ADAMTSL3: variants seen among roughly 807,000 people sequenced by gnomAD.
The protein encoded by ADAMTSL3 is ADAMTS-like protein 3.
Under a neutral mutation model 201.7 loss-of-function variants are expected in ADAMTSL3, and 128 were observed. The observed-to-expected ratio is 0.63, with a 90% CI of 0.55 to 0.73. The LOEUF is 0.73. Ranked by LOEUF, ADAMTSL3 falls within the 30% of genes least tolerant of loss-of-function variation. ADAMTSL3 has a pLI of 0.00. For missense variants in ADAMTSL3, 1,990 were observed against 2,119.6 expected, an observed-to-expected ratio of 0.94 and a Z score of 1.20; for synonymous variants, 738 against 748.4, an observed-to-expected ratio of 0.99 and a Z score of 0.23.
intron 20 of ADAMTSL3, among the ~76,000 whole-genome samples, chr15:83,972,086 C>T (rs933672450): frequency 6.6e-5 from 10 of 151,858 alleles, no homozygotes; most frequent in African/African-American, 2.2e-4. Flanking sequence ...CATTTAGTCC[C>T]CTGAACAACA....
chr15:83,763,552 A>T (rs1373629614), intron 3 of ADAMTSL3, among the ~76,000 whole-genome samples: 2 of 148,210 alleles, frequency 1.3e-5, no homozygotes, highest in South Asian at 2.1e-4. Flanking sequence ...TCACCCAGGC[A>T]GGAGTGCAAT....
rs2064701438 is a variant in ADAMTSL3, at chr15:83,855,004, A to G, written c.728-3762A>G. Among the ~76,000 whole-genome samples the G allele has an allele frequency of 2.0e-5, 3 of 151,744 alleles. No individual in the cohort carries two copies. In the South Asian group the frequency reaches 6.3e-4, roughly 32 times the overall value. ...TGGCATTACCTGGTTTTTCATGGAGAGTTGGTTATTTTTAGTGGACTTTGT... is the reference window on the plus strand; with the variant it reads ...TGGCATTACCTGGTTTTTCATGGAGGGTTGGTTATTTTTAGTGGACTTTGT... On this transcript the variant is annotated intron_variant, in intron 7 of 29. Transcript: ENST00000286744.
chr15:83,698,389 C>T (rs1434581538), intron 2 of ADAMTSL3, among the ~76,000 whole-genome samples: 1 of 152,176 alleles, frequency 6.6e-6, no homozygotes, highest in African/African-American at 2.4e-5. Context: ...GTCTCATATT[C>T]ATAGTCCCTG....
At chr15:83,842,171 A>G (rs772129569) in intron 7 of ADAMTSL3, among the ~76,000 whole-genome samples, 4 of 150,672 alleles carry the variant, frequency 2.7e-5, no homozygotes, top group Non-Finnish European at 4.4e-5. Context: ...GGCTTGGAGA[A>G]TGAGTGCAAA....
intron 15 of ADAMTSL3, among the ~76,000 whole-genome samples, chr15:83,912,726 G>A (rs2065954926): frequency 6.6e-6 from 1 of 151,970 alleles, no homozygotes; most frequent in Non-Finnish European, 1.5e-5. Flanking sequence ...AATAAATATT[G>A]GTGAAAATCT....
chr15:83,842,797 G>T (rs1020102941), intron 7 of ADAMTSL3, among the ~76,000 whole-genome samples: 3 of 152,200 alleles, frequency 2.0e-5, no homozygotes, highest in Non-Finnish European at 2.9e-5. Flanking sequence ...GCATGTGGAT[G>T]AGGGGAGTAA....
chr15:83,829,903 C>A (rs999863174), intron 6 of ADAMTSL3, among the ~76,000 whole-genome samples: 8 of 152,190 alleles, frequency 5.3e-5, no homozygotes, highest in African/African-American at 1.9e-4. Context: ...AGTTTGTTAT[C>A]ATTTCTGTTC....
intron 6 of ADAMTSL3, among the ~76,000 whole-genome samples, chr15:83,820,389 A>G (rs1250110784): frequency 6.6e-6 from 1 of 152,078 alleles, no homozygotes; most frequent in Admixed American, 6.5e-5. Context: ...TCGATTAGTG[A>G]TTCTCTAACT....
intron 6 of ADAMTSL3, among the ~76,000 whole-genome samples, chr15:83,829,593 T>C (rs2064108482): frequency 6.6e-6 from 1 of 152,202 alleles, no homozygotes; most frequent in Non-Finnish European, 1.5e-5. Flanking sequence ...TGCTCTTGCT[T>C]CTCTAGTTCT....
intron 3 of ADAMTSL3, among the ~76,000 whole-genome samples, chr15:83,766,566 C>T (rs973301914): frequency 9.9e-5 from 15 of 152,004 alleles, no homozygotes; most frequent in African/African-American, 1.4e-4. Context: ...ATCCAAGAGG[C>T]GAAATGCTAA....
chr15:83,733,893 C>T (rs1483237612), intron 3 of ADAMTSL3, among the ~76,000 whole-genome samples: 4 of 152,118 alleles, frequency 2.6e-5, no homozygotes, highest in Non-Finnish European at 5.9e-5. Flanking sequence ...GTGACTTGGA[C>T]ATCAACCACA....
At chr15:84,008,818 C>T in intron 23 of ADAMTSL3, among the ~76,000 whole-genome samples, 1 of 152,162 alleles carries the variant, frequency 6.6e-6, no homozygotes, top group Non-Finnish European at 1.5e-5. Flanking sequence ...CTGAGTTCTG[C>T]TCCCAAACTT....
rs184180232 is a variant in ADAMTSL3, at chr15:83,904,183, A to T, written c.1700+4452A>T. ...CTGGCCCAAGCAGCTGCCTCTTCCC[A>T]CCTTCTGCCATCTCTCCCTCTGTGG... On this transcript the variant is annotated intron_variant, in intron 15 of 29. Coordinates refer to ENST00000286744, the MANE Select transcript of ADAMTSL3 (RefSeq NM_207517.3). Among the ~76,000 whole-genome samples the T allele has an allele frequency of 2.5e-3, 370 of 150,890 alleles. 3 individuals carry two copies. The highest frequency in any genetic ancestry group is 8.2e-3 in the African/African-American group (338 of 41,036).
intron 7 of ADAMTSL3, among the ~76,000 whole-genome samples, chr15:83,840,819 A>C (rs1171119278): frequency 2.6e-5 from 4 of 152,158 alleles, no homozygotes; most frequent in African/African-American, 9.7e-5. Flanking sequence ...GAAACATTGG[A>C]GTTTATAAGT....
intron 10 of ADAMTSL3, among the ~76,000 whole-genome samples, chr15:83,886,704 A>G (rs959896235): frequency 3.9e-5 from 6 of 152,258 alleles, no homozygotes; most frequent in African/African-American, 1.2e-4. Flanking sequence ...CCGCATATCA[A>G]TTTACTTAGA....
intron 19 of ADAMTSL3, among the ~76,000 whole-genome samples, chr15:83,948,156 G>T (rs1230603251): frequency 6.6e-6 from 1 of 152,102 alleles, no homozygotes; most frequent in Non-Finnish European, 1.5e-5. Context: ...TTAAAATATG[G>T]CATTCCCCGA....
chr15:83,655,876 GT>G, intron 2 of ADAMTSL3, 46 bp downstream of exon 2: 1 of 1,576,328 alleles, frequency 6.3e-7, no homozygotes, highest in African/African-American at 1.3e-5. Context: ...ACATCCCTCT[GT>G]TTACTCAGAG....
chr15:83,762,343 T>C (rs2062821345), intron 3 of ADAMTSL3, among the ~76,000 whole-genome samples: 1 of 152,310 alleles, frequency 6.6e-6, no homozygotes. Flanking sequence ...GTGGACACAC[T>C]CTGATCTTAG....
intron 23 of ADAMTSL3, among the ~76,000 whole-genome samples, chr15:84,003,126 T>C (rs2067829917): frequency 6.6e-6 from 1 of 151,790 alleles, no homozygotes; most frequent in Admixed American, 6.6e-5. Context: ...ATTTTTTTTT[T>C]TCTTGTAGAG....
Sources: gnomAD v4.1 joint callset for allele counts (sites outside exome capture counted in the v4.1 genomes callset) on GRCh38, gnomAD v4.1.1 for gene constraint, MANE v1.5 for transcripts, NCBI Gene and HGNC (gene_info 2026-07-23, HGNC 2026-07-21) for gene names.